Variants in PLEKHM2 observed in about 807,000 individuals in gnomAD.
PLEKHM2 encodes pleckstrin homology domain-containing family M member 2.
Under a neutral mutation model 116.3 loss-of-function variants are expected in PLEKHM2, and 77 were observed. The ratio of observed to expected loss-of-function variants is 0.66; its 90% CI spans 0.55 to 0.80. The LOEUF (loss-of-function observed/expected upper bound fraction) is 0.80, where lower values mean the gene tolerates loss of function less well. PLEKHM2 is among the 30% of genes least tolerant of loss of function. The pLI is 0.00. For synonymous variants in PLEKHM2, 562 were observed against 571.0 expected (o/e 0.98, Z 0.22); for missense variants, 1,183 against 1,354.9 (o/e 0.87, Z 1.99).
chr1:15,705,990 G>A (rs1641217994), intron 1 of PLEKHM2, among the ~76,000 whole-genome samples: 2 of 152,184 alleles, frequency 1.3e-5, no homozygotes, highest in Non-Finnish European at 2.9e-5. Flanking sequence ...TCGGGAGGTT[G>A]AAGTGGGAGG....
In PLEKHM2 at chr1:15,731,195, C is replaced by T. The variant is rs1232641899; in HGVS notation, c.2403C>T (p.Asn801=). 7 of 1,595,378 alleles carry T rather than the reference C, an allele frequency of 4.4e-6. No homozygotes were observed. The highest frequency in any genetic ancestry group is 4.5e-5 in the East Asian group (2 of 44,038). The change falls in exon 16 of 20, where the codon AAC becomes AAT. Residue 801 remains asparagine, a synonymous_variant. Coordinates refer to ENST00000375799, the MANE Select transcript of PLEKHM2 (RefSeq NM_015164.4). ...HWKTCFVVLS[N]GILYQYPDRT... ...GCCCTGTGTTGTGCCCCTGCAGCAA[C>T]GGGATCCTCTACCAGTACCCGGACC... is the stretch of plus-strand genomic sequence containing the variant.
At chr1:15,697,877 A>G (rs1641031455) in intron 1 of PLEKHM2, among the ~76,000 whole-genome samples, 1 of 152,036 alleles carries the variant, frequency 6.6e-6, no homozygotes, top group Non-Finnish European at 1.5e-5. Flanking sequence ...ATCTTTCAAT[A>G]GAGCTGCCAG....
At position 15,727,480 on chromosome 1, in the gene PLEKHM2, G is replaced by T; in HGVS notation, c.1408G>T (p.Glu470Ter). 1 of 1,597,774 alleles carries T rather than the reference G, an allele frequency of 6.3e-7. No individual in the cohort carries two copies. The highest frequency in any genetic ancestry group is 1.1e-5 in the South Asian group (1 of 88,830). ...APMDFYRFTV[E>*]SPSTVTSGGG... The stretch of plus-strand genomic sequence containing the variant: ...AATGGACTTCTACCGCTTTACCGTC[G>T]AGAGTCCAAGCACTGTTACATCAGG... Residue 470 changes from glutamate to a stop codon, truncating the protein, a stop_gained, in exon 9 of 20, where the codon GAG (glutamate) becomes TAG (stop). Coordinates refer to ENST00000375799, the MANE Select transcript of PLEKHM2 (RefSeq NM_015164.4). LOFTEE classifies it high-confidence loss of function. This position sits in a 1 kb window ranked among gnomAD's most constrained non-coding sequence, Gnocchi z 7.5.
In PLEKHM2 at chr1:15,731,953, A is replaced by T. The variant is rs770529447; in HGVS notation, c.2530A>T (p.Ile844Phe). The T allele has an allele frequency of 1.3e-5, 21 of 1,611,986 alleles. No homozygotes were observed. In the Admixed American group the frequency reaches 3.5e-4, roughly 27 times the overall value. ...TTDRPHAFQV[I>F]LSDRPCLELS... ...GGATCGGCCCCACGCCTTCCAGGTCATTCTCTCCGACCGGCCCTGCCTGGA... is the reference window on the plus strand; with the variant it reads ...GGATCGGCCCCACGCCTTCCAGGTCTTTCTCTCCGACCGGCCCTGCCTGGA... The change falls in exon 17 of 20, where the codon ATT (isoleucine) becomes TTT (phenylalanine). Residue 844 changes from isoleucine (I) to phenylalanine (F), a missense_variant. By Grantham distance (21) the Ile-to-Phe change is conservative. Transcript: ENST00000375799.
chr1:15,721,482 T>G lies in PLEKHM2; in HGVS notation c.712+94T>G. ...TATCAAATCAGCTCCTTATTATTTA[T>G]AATAATATCCATAATCATAATAAAG... On this transcript the variant is annotated intron_variant, in intron 7 of 19. Coordinates refer to ENST00000375799, the MANE Select transcript of PLEKHM2 (RefSeq NM_015164.4). The surrounding 1 kb of genome is among the most constrained non-coding windows in gnomAD (Gnocchi z 5.1). 2 of 742,634 alleles carry G rather than the reference T, an allele frequency of 2.7e-6. No homozygotes were observed. Among genetic ancestry groups the G allele is most frequent in the Non-Finnish European group, 4.5e-6 (2 of 442,064 alleles). The allele number at this position is 742,634 out of a possible 1,614,324, so 46.0% of individuals were successfully genotyped here. A position where few individuals can be genotyped will look rare whatever the true frequency, so the allele number is the denominator to read the frequency against.
intron 1 of PLEKHM2, among the ~76,000 whole-genome samples, chr1:15,704,481 C>T (rs1403341750): frequency 6.6e-6 from 1 of 152,174 alleles, no homozygotes; most frequent in African/African-American, 2.4e-5. Flanking sequence ...GATTTCCAGA[C>T]ATCCATAAAT....
chr1:15,681,767 C>A (rs1221325085), upstream of PLEKHM2, among the ~76,000 whole-genome samples: 2 of 152,196 alleles, frequency 1.3e-5, no homozygotes, highest in Non-Finnish European at 2.9e-5. Flanking sequence ...GTAATGTGTC[C>A]TCTGTCCTCA....
At position 15,734,204 on chromosome 1, in the gene PLEKHM2, C is replaced by G; in HGVS notation, c.*270C>G. ...GCCCTGTGGGCTCTGCGGATGCACGCCCTCCTCCCGGGCCTCCGCCTCAGT... is the reference window on the plus strand; with the variant it reads ...GCCCTGTGGGCTCTGCGGATGCACGGCCTCCTCCCGGGCCTCCGCCTCAGT... On this transcript the variant is annotated 3_prime_UTR_variant, in exon 20 of 20. Coordinates refer to ENST00000375799, the MANE Select transcript of PLEKHM2 (RefSeq NM_015164.4). The G allele has an allele frequency of 2.2e-6, 1 of 454,922 alleles. No homozygotes were observed. Among genetic ancestry groups the G allele is most frequent in the South Asian group, 3.5e-5 (1 of 28,852 alleles). 28.2% of individuals were successfully genotyped at this position (454,922 alleles called of 1,614,324 possible).
chr1:15,686,648 A>ATTTTTTTTTTTTTTTTTTTTTTTTTTTT (rs1233033159), intron 1 of PLEKHM2, among the ~76,000 whole-genome samples: 22 of 134,216 alleles, frequency 1.6e-4, no homozygotes, highest in African/African-American at 6.2e-4. Context: ...ACCCGGCTAA[A>ATTTTTTTTTTTTTTTTTTTTTTTTTTTT]TTTTTTTTTT....
chr1:15,688,196 A>G (rs1346349696), intron 1 of PLEKHM2, among the ~76,000 whole-genome samples: 1 of 152,220 alleles, frequency 6.6e-6, no homozygotes, highest in Non-Finnish European at 1.5e-5. Flanking sequence ...AACTATTTTC[A>G]CACTTAGATT....
chr1:15,732,074 C>T, intron 17 of PLEKHM2, 26 bp downstream of exon 17: 1 of 1,601,684 alleles, frequency 6.2e-7, no homozygotes, highest in Non-Finnish European at 8.5e-7. Flanking sequence ...CCCTACCGCT[C>T]ACCTGGCTTG....
intron 1 of PLEKHM2, among the ~76,000 whole-genome samples, chr1:15,685,645 G>T (rs937735623): frequency 1.3e-5 from 2 of 151,558 alleles, no homozygotes; most frequent in African/African-American, 4.9e-5. Flanking sequence ...AAAATGGATA[G>T]AATTAATTAG....
intron 1 of PLEKHM2, among the ~76,000 whole-genome samples, chr1:15,714,809 G>A (rs952265638): frequency 6.6e-6 from 1 of 152,172 alleles, no homozygotes; most frequent in South Asian, 2.1e-4. Flanking sequence ...ACTCCCTTCT[G>A]GCCATTGGAA....
At chr1:15,707,669 T>TG (rs1641252822) in intron 1 of PLEKHM2, among the ~76,000 whole-genome samples, 1 of 152,164 alleles carries the variant, frequency 6.6e-6, no homozygotes, top group Non-Finnish European at 1.5e-5. Context: ...TTCCCAGAAG[T>TG]GGGGAAAGCC....
intron 1 of PLEKHM2, among the ~76,000 whole-genome samples, chr1:15,706,437 C>T (rs1428314715): frequency 6.6e-6 from 1 of 152,108 alleles, no homozygotes; most frequent in Non-Finnish European, 1.5e-5. Flanking sequence ...TGGAGTTTTG[C>T]TCTTGTTGCC....
intron 1 of PLEKHM2, among the ~76,000 whole-genome samples, chr1:15,687,341 T>A (rs1195501144): frequency 6.6e-6 from 1 of 151,660 alleles, no homozygotes; most frequent in South Asian, 2.1e-4. Context: ...GCCCGGCTAA[T>A]TTTTTTGTAT....
chr1:15,729,788 C>T lies in PLEKHM2; in HGVS notation c.2076-9C>T. On this transcript the variant is annotated splice_polypyrimidine_tract_variant and intron_variant, in intron 13 of 19. Transcript: ENST00000375799. This position sits in a 1 kb window ranked among gnomAD's most constrained non-coding sequence, Gnocchi z 4.7. ...AGGCCTCTAACCACAAACCTCACTC[C>T]CTATGCAGGTTCTTTTTGGCTTCTT... is the stretch of plus-strand genomic sequence containing the variant. The T allele has an allele frequency of 2.5e-6, 4 of 1,609,850 alleles. No homozygotes were observed. Among genetic ancestry groups the T allele is most frequent in the Non-Finnish European group, 2.5e-6 (3 of 1,178,174 alleles).
intron 1 of PLEKHM2, among the ~76,000 whole-genome samples, chr1:15,707,110 A>C (rs1641241776): frequency 6.6e-6 from 1 of 152,146 alleles, no homozygotes; most frequent in Non-Finnish European, 1.5e-5. Flanking sequence ...GTCTCAAAAA[A>C]AAAAAAGAGT....
At chr1:15,697,444 C>T (rs772540522) in intron 1 of PLEKHM2, among the ~76,000 whole-genome samples, 12 of 152,220 alleles carry the variant, frequency 7.9e-5, no homozygotes, top group Non-Finnish European at 1.6e-4. Flanking sequence ...AATCATAGTA[C>T]CTTGAGGCTT....
Sources: gnomAD v4.1 joint callset for allele counts (sites outside exome capture counted in the v4.1 genomes callset) on GRCh38, gnomAD v4.1.1 for gene constraint, Gnocchi (gnomAD v3.1) non-coding constraint, MANE v1.5 for transcripts, NCBI Gene and HGNC (gene_info 2026-07-23, HGNC 2026-07-21) for gene names.